WWOX: variants seen among roughly 807,000 people sequenced by gnomAD.
The protein encoded by WWOX is WW domain-containing oxidoreductase.
Under a neutral mutation model 46.2 loss-of-function variants are expected in WWOX, and 69 were observed. That is an observed-to-expected ratio of 1.49 (90% CI 1.23 to 1.82). WWOX has a LOEUF of 1.82. Among genes scored for constraint, WWOX ranks in the 40% most tolerant of loss-of-function variants. WWOX has a pLI of 0.00. For synonymous variants in WWOX, 359 were observed against 202.6 expected, an observed-to-expected ratio of 1.77 and a Z score of -6.56; for missense variants, 919 against 542.6, an observed-to-expected ratio of 1.69 and a Z score of -6.89.
chr16:78,866,270 C>A (rs560437179), intron 8 of WWOX, among the ~76,000 whole-genome samples: 1 of 152,026 alleles, frequency 6.6e-6, no homozygotes, highest in African/African-American at 2.4e-5. Context: ...CGCTGTGCCA[C>A]CAGGATTTTC....
intron 8 of WWOX, among the ~76,000 whole-genome samples, chr16:78,446,132 T>C (rs986125129): frequency 6.6e-6 from 1 of 152,208 alleles, no homozygotes; most frequent in Non-Finnish European, 1.5e-5. Flanking sequence ...TAAAAAGGTA[T>C]CAGTAGGGAT....
intron 8 of WWOX, among the ~76,000 whole-genome samples, chr16:79,151,533 A>G (rs1348910371): frequency 6.6e-6 from 1 of 152,230 alleles, no homozygotes; most frequent in Non-Finnish European, 1.5e-5. Context: ...GGTTGAAGAC[A>G]AACAGGGCTC....
At position 78,228,250 on chromosome 16, in the gene WWOX, C is replaced by T. The variant is rs190809748; in HGVS notation, c.516+63961C>T. Among the ~76,000 whole-genome samples the T allele has an allele frequency of 2.6e-5, 4 of 152,122 alleles. No homozygotes were observed. In the East Asian group the frequency reaches 7.7e-4, roughly 29 times the overall value. ...ATCGTTTCTTCACTGGATGGGAAGG[C>T]AGGCACCCAGGGGGAGATGGCATCA... On this transcript the variant is annotated intron_variant, in intron 5 of 8. Transcript: ENST00000566780.
At chr16:78,244,660 G>A (rs571352840) in intron 5 of WWOX, among the ~76,000 whole-genome samples, 3 of 152,306 alleles carry the variant, frequency 2.0e-5, no homozygotes, top group East Asian at 1.9e-4. Context: ...AAACCCATTT[G>A]TTAGTCTCTG....
chr16:78,317,520 C>T (rs1567496602), intron 5 of WWOX, among the ~76,000 whole-genome samples: 1 of 152,162 alleles, frequency 6.6e-6, no homozygotes, highest in Admixed American at 6.5e-5. Context: ...ACAGGACAAG[C>T]ATCGGGTTGG....
chr16:78,573,431 A>T (rs2044768779), intron 8 of WWOX, among the ~76,000 whole-genome samples: 1 of 152,218 alleles, frequency 6.6e-6, no homozygotes, highest in African/African-American at 2.4e-5. Flanking sequence ...AAACATAAGA[A>T]TGTGGTATTA....
At chr16:78,668,638 G>C (rs934281876) in intron 8 of WWOX, among the ~76,000 whole-genome samples, 2 of 152,154 alleles carry the variant, frequency 1.3e-5, no homozygotes, top group African/African-American at 4.8e-5. Flanking sequence ...AGTGACAGCA[G>C]GGGGTGAGGA....
chr16:78,391,181 C>T (rs370704525), intron 6 of WWOX, among the ~76,000 whole-genome samples: 32 of 151,866 alleles, frequency 2.1e-4, no homozygotes, highest in African/African-American at 5.3e-4. Context: ...TCTTTTTATT[C>T]GGGTGCTGGG....
intron 8 of WWOX, among the ~76,000 whole-genome samples, chr16:78,645,596 G>C (rs546806699): frequency 6.6e-6 from 1 of 152,118 alleles, no homozygotes; most frequent in Non-Finnish European, 1.5e-5. Flanking sequence ...AGAACATATA[G>C]GGAGAAAGGG....
chr16:78,285,410 G>A (rs1314661191), intron 5 of WWOX, among the ~76,000 whole-genome samples: 1 of 151,912 alleles, frequency 6.6e-6, no homozygotes, highest in Non-Finnish European at 1.5e-5. Context: ...CTCCAGCTGG[G>A]TAACAGAGTG....
chr16:78,744,575 G>A (rs1335418283), intron 8 of WWOX, among the ~76,000 whole-genome samples: 2 of 151,820 alleles, frequency 1.3e-5, no homozygotes, highest in African/African-American at 4.8e-5. Context: ...GGGATTACAG[G>A]CACCTGCCAC....
At chr16:78,410,082 G>A (rs1004596902) in intron 6 of WWOX, among the ~76,000 whole-genome samples, 1 of 152,180 alleles carries the variant, frequency 6.6e-6, no homozygotes, top group Admixed American at 6.5e-5. Flanking sequence ...TTGGTGATAA[G>A]TGAGTTCACA....
intron 6 of WWOX, among the ~76,000 whole-genome samples, chr16:78,422,211 G>A (rs73572808): frequency 1.3e-4 from 20 of 152,214 alleles, no homozygotes; most frequent in African/African-American, 4.8e-4. Flanking sequence ...GCTTCTATAT[G>A]ATTGCATATA....
chr16:79,100,940 G>T (rs982179538), intron 8 of WWOX, among the ~76,000 whole-genome samples: 2 of 151,984 alleles, frequency 1.3e-5, no homozygotes, highest in Non-Finnish European at 2.9e-5. Flanking sequence ...ATAGGGGTTA[G>T]GCGTAACGTC....
At chr16:78,339,675 C>T (rs2080970165) in intron 5 of WWOX, among the ~76,000 whole-genome samples, 1 of 118,952 alleles carries the variant, frequency 8.4e-6, no homozygotes, top group South Asian at 2.6e-4. Flanking sequence ...GTTCCATCCT[C>T]ATTTTATTCA....
At position 78,537,814 on chromosome 16, in the gene WWOX, G is replaced by T. The variant is rs114648600; in HGVS notation, c.1056+105062G>T. Among the ~76,000 whole-genome samples, 638 of 152,128 alleles carry T rather than the reference G, an allele frequency of 4.2e-3. 5 individuals are homozygous for T. Among genetic ancestry groups the T allele is most frequent in the African/African-American group, 0.015 (616 of 41,496 alleles). ...GAGGTAATCAGGGGTGTGCTGGGAGGGCCAGAACGATCCACCCACGTGTTG... is the reference window on the plus strand; with the variant it reads ...GAGGTAATCAGGGGTGTGCTGGGAGTGCCAGAACGATCCACCCACGTGTTG... On this transcript the variant is annotated intron_variant, in intron 8 of 8. Coordinates refer to ENST00000566780, the MANE Select transcript of WWOX (RefSeq NM_016373.4).
At chr16:78,264,315 G>A (rs187397955) in intron 5 of WWOX, among the ~76,000 whole-genome samples, 22 of 152,152 alleles carry the variant, frequency 1.4e-4, no homozygotes, top group South Asian at 8.3e-4. Flanking sequence ...TTATACATGC[G>A]GAAGAATTAT....
intron 8 of WWOX, among the ~76,000 whole-genome samples, chr16:79,074,342 T>C (rs570960981): frequency 6.9e-6 from 1 of 144,358 alleles, no homozygotes; most frequent in East Asian, 2.2e-4. Context: ...GAAGTAAACA[T>C]CTGACTTCCT....
intron 8 of WWOX, among the ~76,000 whole-genome samples, chr16:78,664,423 C>T (rs894912172): frequency 2.0e-5 from 3 of 152,184 alleles, no homozygotes; most frequent in South Asian, 2.1e-4. Flanking sequence ...CAGCTCCTGG[C>T]TGCTGTGGCT....
Sources: allele counts gnomAD v4.1 joint callset (sites outside exome capture counted in the v4.1 genomes callset), GRCh38; gene constraint gnomAD v4.1.1; transcripts MANE v1.5; gene names NCBI Gene and HGNC (gene_info 2026-07-23, HGNC 2026-07-21).